RFX3: variants seen among roughly 807,000 people sequenced by gnomAD.
RFX3 encodes the protein transcription factor RFX3.
A neutral mutation model predicts 98.6 loss-of-function variants in RFX3; 14 were observed. The ratio of observed to expected loss-of-function variants is 0.14; its 90% CI spans 0.09 to 0.22. The LOEUF is 0.22. Ranked by LOEUF, RFX3 falls within the 10% of genes least tolerant of loss-of-function variation. RFX3 has a pLI of 1.00. For synonymous variants in RFX3, 383 were observed against 328.4 expected (o/e 1.17, Z -1.80); for missense variants, 639 against 926.9 (o/e 0.69, Z 4.03).
intron 1 of RFX3, chr9:3,488,691 T>C: frequency 1.5e-6 from 1 of 673,812 alleles, no homozygotes; most frequent in Non-Finnish European, 1.8e-6. Context: ...GACACAAAAC[T>C]ACTCAATTTC....
At chr9:3,245,287 A>G (rs1360163067) in intron 15 of RFX3, among the ~76,000 whole-genome samples, 1 of 152,230 alleles carries the variant, frequency 6.6e-6, no homozygotes, top group Non-Finnish European at 1.5e-5. Context: ...AGAGGCTTCC[A>G]GGTAGAAAGA....
At chr9:3,386,413 T>C (rs1018731611) in intron 2 of RFX3, among the ~76,000 whole-genome samples, 4 of 152,176 alleles carry the variant, frequency 2.6e-5, no homozygotes, top group African/African-American at 7.2e-5. Context: ...TTTAATATTT[T>C]TAGCTATAAA....
intron 2 of RFX3, among the ~76,000 whole-genome samples, chr9:3,354,634 G>C (rs1337177854): frequency 6.6e-6 from 1 of 151,742 alleles, no homozygotes; most frequent in Non-Finnish European, 1.5e-5. Flanking sequence ...CTTCAAAAAT[G>C]AAGAGAGGAT....
intron 1 of RFX3, among the ~76,000 whole-genome samples, chr9:3,477,634 C>T (rs1350097731): frequency 2.0e-5 from 3 of 152,138 alleles, no homozygotes; most frequent in Non-Finnish European, 2.9e-5. Flanking sequence ...GTATGGATCA[C>T]TTTGGGCTTA....
intron 2 of RFX3, among the ~76,000 whole-genome samples, chr9:3,388,163 T>C (rs1436703719): frequency 2.0e-5 from 3 of 152,094 alleles, no homozygotes; most frequent in Non-Finnish European, 4.4e-5. Flanking sequence ...GAAGTGAAGA[T>C]GGAAATGACC....
At chr9:3,266,544 A>G (rs530183378) in intron 11 of RFX3, among the ~76,000 whole-genome samples, 119 of 151,614 alleles carry the variant, frequency 7.8e-4, no homozygotes, top group African/African-American at 2.7e-3. Flanking sequence ...CTTTTTTGGG[A>G]AAAAAAAGGA....
At chr9:3,434,913 C>G (rs1829591863) in intron 1 of RFX3, among the ~76,000 whole-genome samples, 1 of 151,938 alleles carries the variant, frequency 6.6e-6, no homozygotes, top group African/African-American at 2.4e-5. Flanking sequence ...ATGCTATAGC[C>G]TATTGCTCCT....
chr9:3,519,972 T>A (rs1818544712), intron 1 of RFX3, among the ~76,000 whole-genome samples: 1 of 151,766 alleles, frequency 6.6e-6, no homozygotes, highest in African/African-American at 2.4e-5. Flanking sequence ...AATTTTAAAA[T>A]GATGGCAACA....
At chr9:3,370,670 A>G (rs534700446) in intron 2 of RFX3, among the ~76,000 whole-genome samples, 38 of 152,278 alleles carry the variant, frequency 2.5e-4, no homozygotes, top group African/African-American at 8.7e-4. Flanking sequence ...ATAAATTGAT[A>G]TCTGTGCACT....
chr9:3,291,965 G>T (rs995630489), intron 6 of RFX3, among the ~76,000 whole-genome samples: 1 of 144,478 alleles, frequency 6.9e-6, no homozygotes, highest in Non-Finnish European at 1.5e-5. Context: ...GCTAAGGCAG[G>T]AGAATCATTT....
At chr9:3,378,647 C>T (rs1321876291) in intron 2 of RFX3, among the ~76,000 whole-genome samples, 4 of 149,678 alleles carry the variant, frequency 2.7e-5, no homozygotes, top group Admixed American at 2.7e-4. Context: ...ACCTCTGCCT[C>T]CCGGGTTCAA....
intron 9 of RFX3, among the ~76,000 whole-genome samples, chr9:3,272,520 C>A (rs552237937): frequency 6.6e-6 from 1 of 152,196 alleles, no homozygotes; most frequent in African/African-American, 2.4e-5. Context: ...TTTAGACAGT[C>A]CTCAGTAACA....
At chr9:3,492,465 C>T (rs1253872191) in intron 1 of RFX3, among the ~76,000 whole-genome samples, 1 of 152,238 alleles carries the variant, frequency 6.6e-6, no homozygotes, top group East Asian at 1.9e-4. Flanking sequence ...CAGCCCAGGG[C>T]CATGCTCCCC....
chr9:3,371,790 G>A (rs10124295), intron 2 of RFX3, among the ~76,000 whole-genome samples: 1 of 151,936 alleles, frequency 6.6e-6, no homozygotes, highest in Non-Finnish European at 1.5e-5. Context: ...TTCAAATAGA[G>A]GAAGGAATAC....
chr9:3,275,986 T>C (rs1825161781), intron 8 of RFX3, among the ~76,000 whole-genome samples: 4 of 152,148 alleles, frequency 2.6e-5, no homozygotes. Flanking sequence ...AAAAAACGAA[T>C]TTTAAACTCA....
chr9:3,427,805 G>C (rs1844262188), intron 1 of RFX3, among the ~76,000 whole-genome samples: 1 of 152,068 alleles, frequency 6.6e-6, no homozygotes, highest in African/African-American at 2.4e-5. Flanking sequence ...CATATGTGCA[G>C]TTCATCACTC....
At chr9:3,439,406 T>C (rs1845437371) in intron 1 of RFX3, among the ~76,000 whole-genome samples, 1 of 151,842 alleles carries the variant, frequency 6.6e-6, no homozygotes, top group African/African-American at 2.4e-5. Flanking sequence ...TCAACAAAAC[T>C]GATAAACCTC....
At chr9:3,456,473 G>A (rs1376746965) in intron 1 of RFX3, among the ~76,000 whole-genome samples, 1 of 151,822 alleles carries the variant, frequency 6.6e-6, no homozygotes, top group Non-Finnish European at 1.5e-5. Flanking sequence ...TTTGCTCCCA[G>A]CTTTATGTGA....
At chr9:3,256,812 G>A (rs1484023294) in intron 14 of RFX3, among the ~76,000 whole-genome samples, 179 bp downstream of exon 14, 1 of 152,110 alleles carries the variant, frequency 6.6e-6, no homozygotes, top group Non-Finnish European at 1.5e-5. Flanking sequence ...AAGTTTCCTG[G>A]TACATTTCCA....
Sources: allele counts gnomAD v4.1 joint callset (sites outside exome capture counted in the v4.1 genomes callset), GRCh38; gene constraint gnomAD v4.1.1; transcripts MANE v1.5; gene names NCBI Gene and HGNC (gene_info 2026-07-23, HGNC 2026-07-21).